Variants in CSMD1 observed in about 807,000 individuals in gnomAD.
CSMD1 encodes the protein CUB and sushi domain-containing protein 1.
CSMD1 carries 213 observed loss-of-function variants against 417.5 expected under a neutral mutation model. The observed-to-expected ratio is 0.51, with a 90% CI of 0.46 to 0.57. CSMD1 has a LOEUF of 0.57. CSMD1 is among the 20% of genes least tolerant of loss of function. The pLI is 0.00. For synonymous variants in CSMD1, 2,862 were observed against 1,736.8 expected (o/e 1.65, Z -16.11); for missense variants, 6,923 against 4,529.7 (o/e 1.53, Z -15.17).
At chr8:4,471,071 TA>T (rs1163188087) in intron 2 of CSMD1, among the ~76,000 whole-genome samples, 1 of 152,196 alleles carries the variant, frequency 6.6e-6, no homozygotes, top group Non-Finnish European at 1.5e-5. Context: ...ATAAATCAGT[TA>T]AAATCTTTGA....
At chr8:4,204,972 TTTC>T (rs777456329) in intron 3 of CSMD1, among the ~76,000 whole-genome samples, 3 of 152,182 alleles carry the variant, frequency 2.0e-5, no homozygotes, top group Non-Finnish European at 2.9e-5. Context: ...TAAAAATTGT[TTTC>T]TTATTATAAT....
chr8:3,492,433 G>C (rs1485309050), intron 11 of CSMD1, among the ~76,000 whole-genome samples: 1 of 152,156 alleles, frequency 6.6e-6, no homozygotes, highest in East Asian at 1.9e-4. Flanking sequence ...AAGAAAGCAA[G>C]GTGAACACCT....
intron 2 of CSMD1, among the ~76,000 whole-genome samples, chr8:4,567,852 T>C (rs923666683): frequency 6.6e-6 from 1 of 152,228 alleles, no homozygotes; most frequent in Non-Finnish European, 1.5e-5. Context: ...ATTCAGACTC[T>C]ACATAAGCAT....
In CSMD1 at chr8:4,881,661, A is replaced by T. The variant is rs535780923; in HGVS notation, c.85+112671T>A. Among the ~76,000 whole-genome samples the T allele has an allele frequency of 5.9e-4, 90 of 152,148 alleles. No homozygotes were observed. In the South Asian group the frequency reaches 6.2e-3, roughly 11 times the overall value. On this transcript the variant is annotated intron_variant, in intron 1 of 69. Coordinates refer to ENST00000635120, the MANE Select transcript of CSMD1 (RefSeq NM_033225.6). ...AAAAACTATGCAAAGTTTTAAATAC[A>T]TAAAGAGTCTTTAAGGTATTCTGCA...
In CSMD1 at chr8:3,063,629, C is replaced by A. The variant is rs114061711; in HGVS notation, c.7475-10982G>T. Among the ~76,000 whole-genome samples, 502 of 152,302 alleles carry A rather than the reference C, an allele frequency of 3.3e-3. 1 individual carries two copies. Among genetic ancestry groups the A allele is most frequent in the African/African-American group, 0.011 (459 of 41,554 alleles). On this transcript the variant is annotated intron_variant, in intron 49 of 69. Coordinates refer to ENST00000635120, the MANE Select transcript of CSMD1 (RefSeq NM_033225.6). ...CTAAACCAAATGTAGCCTCTACACACAGTGGGTTATTACTCAGTCTTAAAA... is the reference window on the plus strand; with the variant it reads ...CTAAACCAAATGTAGCCTCTACACAAAGTGGGTTATTACTCAGTCTTAAAA...
intron 3 of CSMD1, among the ~76,000 whole-genome samples, chr8:4,339,459 G>C (rs1800354682): frequency 6.6e-6 from 1 of 152,060 alleles, no homozygotes; most frequent in African/African-American, 2.4e-5. Context: ...GCTGTACAAA[G>C]CTACCGCGAA....
At chr8:3,261,607 C>G (rs544810078) in intron 26 of CSMD1, among the ~76,000 whole-genome samples, 1 of 152,130 alleles carries the variant, frequency 6.6e-6, no homozygotes, top group Admixed American at 6.6e-5. Context: ...AGGTGTCCTT[C>G]GGCGGTGAGT....
intron 3 of CSMD1, among the ~76,000 whole-genome samples, chr8:4,381,970 C>G (rs778410676): frequency 6.6e-6 from 1 of 152,034 alleles, no homozygotes; most frequent in African/African-American, 2.4e-5. Context: ...AGTGGACACT[C>G]TCTGTGGTAA....
chr8:4,479,045 C>T (rs2130113191), intron 2 of CSMD1, among the ~76,000 whole-genome samples: 1 of 152,208 alleles, frequency 6.6e-6, no homozygotes, highest in East Asian at 1.9e-4. Flanking sequence ...CAGAGTATGG[C>T]AGGGGCTCAA....
At chr8:3,989,991 GA>G (rs1454980465) in intron 5 of CSMD1, among the ~76,000 whole-genome samples, 1 of 152,188 alleles carries the variant, frequency 6.6e-6, no homozygotes, top group African/African-American at 2.4e-5. Flanking sequence ...TGTACAATTG[GA>G]ACACGAGGAT....
intron 52 of CSMD1, among the ~76,000 whole-genome samples, 197 bp from the exon 53 acceptor site, chr8:3,000,328 A>G (rs947980640): frequency 1.3e-5 from 2 of 151,496 alleles, no homozygotes; most frequent in African/African-American, 4.9e-5. Context: ...CCTGGAAAAA[A>G]TAAGTAATAT....
rs543793837 is a variant in CSMD1 at position 2,963,258 on chromosome 8, G to C, written c.9418C>G (p.Arg3140Gly). The C allele has an allele frequency of 1.9e-6, 3 of 1,613,818 alleles. No individual in the cohort carries two copies. Among genetic ancestry groups the C allele is most frequent in the East Asian group, 2.2e-5 (1 of 44,880 alleles). ...GGGATCTCTCCTTTCCACACCCCGC[G>C]ACCTTCACAGGAGAGGATGGCGGAG... Reference protein sequence around the residue: ...SHSAILSCEGRGVWKGEIPQC... With the variant: ...SHSAILSCEGGGVWKGEIPQC... Residue 3140 changes from arginine (R) to glycine (G), a missense_variant, in exon 60 of 70, where the codon CGC (arginine) becomes GGC (glycine). Arg to Gly is a moderately radical substitution (Grantham distance 125). Transcript: ENST00000635120.
chr8:4,944,725 A>ATTTT (rs1808252792), intron 1 of CSMD1, among the ~76,000 whole-genome samples: 1 of 152,186 alleles, frequency 6.6e-6, no homozygotes, highest in South Asian at 2.1e-4. Flanking sequence ...GTCGAAAAGA[A>ATTTT]ATAAATCAAT....
At chr8:4,804,291 G>C (rs1039514368) in intron 1 of CSMD1, among the ~76,000 whole-genome samples, 1 of 152,066 alleles carries the variant, frequency 6.6e-6, no homozygotes, top group Admixed American at 6.6e-5. Flanking sequence ...AAAACCAACA[G>C]AGCAGAAGCA....
intron 10 of CSMD1, among the ~76,000 whole-genome samples, chr8:3,564,363 C>T (rs913407796): frequency 6.6e-6 from 1 of 152,102 alleles, no homozygotes; most frequent in Non-Finnish European, 1.5e-5. Context: ...ATAAATAACT[C>T]CTACACAAAC....
At chr8:3,916,873 G>T (rs1295942969) in intron 5 of CSMD1, among the ~76,000 whole-genome samples, 1 of 151,692 alleles carries the variant, frequency 6.6e-6, no homozygotes, top group South Asian at 2.1e-4. Context: ...CCAAATAAAA[G>T]TCCCTAGCTG....
At chr8:4,761,036 T>G (rs1214355838) in intron 1 of CSMD1, among the ~76,000 whole-genome samples, 1 of 152,194 alleles carries the variant, frequency 6.6e-6, no homozygotes, top group Admixed American at 6.5e-5. Context: ...ATACACAGTA[T>G]GTTGTATCTC....
intron 69 of CSMD1, among the ~76,000 whole-genome samples, chr8:2,939,794 G>A (rs1801737653): frequency 6.6e-6 from 1 of 152,244 alleles, no homozygotes; most frequent in Non-Finnish European, 1.5e-5. Flanking sequence ...AGAGGTCCGT[G>A]ACATTGTGCT....
At position 3,399,377 on chromosome 8, in the gene CSMD1, A is replaced by G; in HGVS notation, c.2405+14T>C. On this transcript the variant is annotated intron_variant, in intron 16 of 69. Transcript: ENST00000635120. ...ACACCATTGGGTCCAAATGAAGACT[A>G]ATTTTTTTCTTACCTGTCAAAAGTT... 6.3e-7 allele frequency: 1 copy of G among 1,590,682 alleles called. No homozygotes were observed. Among genetic ancestry groups the G allele is most frequent in the Non-Finnish European group, 8.6e-7 (1 of 1,169,200 alleles).
Sources: allele counts gnomAD v4.1 joint callset (sites outside exome capture counted in the v4.1 genomes callset), GRCh38; gene constraint gnomAD v4.1.1; transcripts MANE v1.5; gene names NCBI Gene and HGNC (gene_info 2026-07-23, HGNC 2026-07-21).